TMEM132C: variants seen among roughly 807,000 people sequenced by gnomAD.
The protein encoded by TMEM132C is protein phosphatase 1, regulatory subunit 152.
Under a neutral mutation model 61.4 loss-of-function variants are expected in TMEM132C, and 29 were observed. That is an observed-to-expected ratio of 0.47 (90% CI 0.35 to 0.64). The LOEUF (loss-of-function observed/expected upper bound fraction) is 0.64. Among genes scored for constraint, TMEM132C ranks in the 30% least tolerant of loss-of-function variants. The pLI is 0.00. For missense variants in TMEM132C, 1,408 were observed against 1,476.9 expected, an observed-to-expected ratio of 0.95 and a Z score of 0.76; for synonymous variants, 656 against 633.1, an observed-to-expected ratio of 1.04 and a Z score of -0.54.
At chr12:128,504,532 A>T (rs987390680) in intron 2 of TMEM132C, among the ~76,000 whole-genome samples, 7 of 152,096 alleles carry the variant, frequency 4.6e-5, no homozygotes, top group African/African-American at 1.7e-4. Flanking sequence ...TGGAGGCTGG[A>T]AGTCCGAGAC....
intron 2 of TMEM132C, among the ~76,000 whole-genome samples, chr12:128,436,846 C>T (rs537481830): frequency 1.3e-4 from 20 of 152,228 alleles, no homozygotes; most frequent in African/African-American, 2.2e-4. Flanking sequence ...CACATGCACA[C>T]GTATGTTTAT....
chr12:128,327,875 T>C lies in TMEM132C; in HGVS notation c.85+60388T>C, dbSNP rs559549853. On this transcript the variant is annotated intron_variant, in intron 1 of 8. Coordinates refer to ENST00000435159, the MANE Select transcript of TMEM132C (RefSeq NM_001136103.3). ...ACAGAAGGGAGTGTCTGGGTTGTGA[T>C]AGAGGTTGTGGACACCAAGTTTTAT... is the stretch of plus-strand genomic sequence containing the variant. Among the ~76,000 whole-genome samples the C allele has an allele frequency of 3.9e-5, 6 of 152,208 alleles. No individual in the cohort carries two copies. In the South Asian group the frequency reaches 6.2e-4, roughly 16 times the overall value.
intron 2 of TMEM132C, among the ~76,000 whole-genome samples, chr12:128,482,257 G>T (rs1057407987): frequency 5.9e-5 from 9 of 152,228 alleles, no homozygotes; most frequent in African/African-American, 1.9e-4. Flanking sequence ...CTTGATCGTG[G>T]TGGATAAGCT....
At chr12:128,317,206 A>G (rs1230131625) in intron 1 of TMEM132C, among the ~76,000 whole-genome samples, 1 of 152,000 alleles carries the variant, frequency 6.6e-6, no homozygotes, top group Non-Finnish European at 1.5e-5. Context: ...TTTTTTCCTA[A>G]GCAAAACTTT....
intron 2 of TMEM132C, among the ~76,000 whole-genome samples, chr12:128,491,091 C>T (rs540284928): frequency 6.6e-6 from 1 of 152,278 alleles, no homozygotes; most frequent in Admixed American, 6.5e-5. Context: ...AAGACCAAAT[C>T]CTTGACCATA....
intron 2 of TMEM132C, among the ~76,000 whole-genome samples, chr12:128,439,614 C>CT (rs967471228): frequency 6.6e-6 from 1 of 152,120 alleles, no homozygotes; most frequent in Non-Finnish European, 1.5e-5. Flanking sequence ...AAGAACCTTT[C>CT]TTTTTTTCAG....
At position 128,482,137 on chromosome 12, in the gene TMEM132C, A is replaced by T. The variant is rs113537334; in HGVS notation, c.975-61820A>T. 1.6e-4 allele frequency among the ~76,000 whole-genome samples: 25 copies of T among 152,290 alleles called. 1 individual carries two copies. The highest frequency in any genetic ancestry group is 5.8e-4 in the African/African-American group (24 of 41,554). The stretch of plus-strand genomic sequence containing the variant: ...GAATTTTATCGAAGGCCTTTTCTGC[A>T]TCTTTTGAGATAATCATGTGGTTTT... On this transcript the variant is annotated intron_variant, in intron 2 of 8. Coordinates refer to ENST00000435159, the MANE Select transcript of TMEM132C (RefSeq NM_001136103.3).
chr12:128,405,630 G>A (rs909318083), intron 1 of TMEM132C, among the ~76,000 whole-genome samples: 1 of 152,168 alleles, frequency 6.6e-6, no homozygotes, highest in African/African-American at 2.4e-5. Flanking sequence ...GCAGCAAATA[G>A]GGGATGTGAC....
intron 4 of TMEM132C, among the ~76,000 whole-genome samples, chr12:128,619,996 CA>C (rs1207053654): frequency 6.6e-6 from 1 of 151,854 alleles, no homozygotes; most frequent in Non-Finnish European, 1.5e-5. Context: ...TTTGGGAGGC[CA>C]AGGCAAGAGG....
intron 4 of TMEM132C, among the ~76,000 whole-genome samples, chr12:128,656,090 GCTCAGGCTGGAGTGCAGTGGCAGGAT>G (rs1954323238): frequency 6.6e-6 from 1 of 152,048 alleles, no homozygotes; most frequent in Non-Finnish European, 1.5e-5. Context: ...TCGCTCTGTC[GCTCAGGCTGGAGTGCAGTGGCAGGAT>G]CTCAGCTCAC....
chr12:128,547,728 A>T (rs1593095707), intron 3 of TMEM132C, among the ~76,000 whole-genome samples: 1 of 152,188 alleles, frequency 6.6e-6, no homozygotes, highest in East Asian at 1.9e-4. Context: ...GGAGACATAA[A>T]TAGTTTCAAA....
intron 5 of TMEM132C, among the ~76,000 whole-genome samples, chr12:128,692,222 C>T (rs1342716425): frequency 1.3e-5 from 2 of 152,232 alleles, no homozygotes; most frequent in Admixed American, 1.3e-4. Flanking sequence ...CTCCATCTGT[C>T]CATCTGTCTA....
At chr12:128,319,451 C>T (rs552272742) in intron 1 of TMEM132C, among the ~76,000 whole-genome samples, 1 of 152,000 alleles carries the variant, frequency 6.6e-6, no homozygotes, top group Admixed American at 6.5e-5. Flanking sequence ...TGAGGGAGTA[C>T]AGGACCCCTT....
chr12:128,707,726 G>T lies in TMEM132C; in HGVS notation c.*1431G>T, dbSNP rs953258627. The stretch of plus-strand genomic sequence containing the variant: ...GGGGGCGCTCACAAAGATGCCAGGG[G>T]TGTTTATTGTGTTTATTTTTTTAAT... On this transcript the variant is annotated 3_prime_UTR_variant, in exon 9 of 9. Coordinates refer to ENST00000435159, the MANE Select transcript of TMEM132C (RefSeq NM_001136103.3). The T allele has an allele frequency of 6.6e-6, 1 of 152,178 alleles. No homozygotes were observed. Among genetic ancestry groups the T allele is most frequent in the Admixed American group, 6.5e-5 (1 of 15,284 alleles). The allele number at this position is 152,178 out of a possible 1,614,324, so 9.4% of individuals were successfully genotyped here. A position where few individuals can be genotyped will look rare whatever the true frequency, so the allele number is the denominator to read the frequency against.
At chr12:128,552,258 T>C (rs1874199772) in intron 3 of TMEM132C, among the ~76,000 whole-genome samples, 1 of 152,254 alleles carries the variant, frequency 6.6e-6, no homozygotes, top group Admixed American at 6.5e-5. Flanking sequence ...GAAGCAAATA[T>C]AGTATCTTAA....
chr12:128,378,577 G>T (rs2135988859), intron 1 of TMEM132C, among the ~76,000 whole-genome samples: 1 of 152,272 alleles, frequency 6.6e-6, no homozygotes, highest in Non-Finnish European at 1.5e-5. Context: ...GCACTAATTG[G>T]CACTTTTACA....
At chr12:128,434,323 G>A (rs192550317) in intron 2 of TMEM132C, among the ~76,000 whole-genome samples, 2 of 152,274 alleles carry the variant, frequency 1.3e-5, no homozygotes, top group African/African-American at 2.4e-5. Context: ...TTTTTGAGAC[G>A]GAGTTTCTCT....
intron 2 of TMEM132C, among the ~76,000 whole-genome samples, chr12:128,516,588 A>C (rs964660602): frequency 9.5e-6 from 1 of 105,802 alleles, no homozygotes; most frequent in African/African-American, 2.9e-5. Flanking sequence ...TGCAAATTTT[A>C]CCTCCAAAGG....
chr12:128,578,373 C>T (rs1463105008), intron 3 of TMEM132C, among the ~76,000 whole-genome samples: 1 of 152,222 alleles, frequency 6.6e-6, no homozygotes, highest in Admixed American at 6.5e-5. Context: ...CCAGCCCTCC[C>T]TCACCTCCGT....
Sources: allele counts gnomAD v4.1 joint callset (sites outside exome capture counted in the v4.1 genomes callset), GRCh38; gene constraint gnomAD v4.1.1; transcripts MANE v1.5; gene names NCBI Gene and HGNC (gene_info 2026-07-23, HGNC 2026-07-21).